INSL6: variants seen among roughly 807,000 people sequenced by gnomAD.
INSL6 encodes insulin-like peptide INSL6.
A neutral mutation model predicts 9.4 loss-of-function variants in INSL6; 16 were observed. The ratio of observed to expected loss-of-function variants is 1.70; its 90% CI spans 1.15 to 2.59. INSL6 has a LOEUF of 2.59. Among genes scored for constraint, INSL6 ranks in the 30% most tolerant of loss-of-function variants. The pLI, the probability that INSL6 is intolerant of heterozygous loss-of-function variation, is 0.00. For synonymous variants in INSL6, 154 were observed against 96.9 expected, an observed-to-expected ratio of 1.59 and a Z score of -3.46; for missense variants, 391 against 257.3, an observed-to-expected ratio of 1.52 and a Z score of -3.56.
At chr9:5,170,859 A>T (rs1450757709) in intron 1 of INSL6, among the ~76,000 whole-genome samples, 2 of 152,194 alleles carry the variant, frequency 1.3e-5, no homozygotes, top group African/African-American at 4.8e-5. Flanking sequence ...TAGTCTACCA[A>T]CCAAAAAAAG....
the INSL6 span, chr9:5,050,830 A>G: frequency 6.2e-7 from 1 of 1,612,656 alleles, no homozygotes; most frequent in Non-Finnish European, 8.5e-7. Context: ...TAACTCTATC[A>G]GGTAATTTTC....
chr9:5,067,589 T>C, the INSL6 span, among the ~76,000 whole-genome samples: 1 of 152,064 alleles, frequency 6.6e-6, no homozygotes, highest in Non-Finnish European at 1.5e-5. Flanking sequence ...TAATCTATCC[T>C]AATTTCAAAG....
At chr9:5,037,083 A>G in the INSL6 span, among the ~76,000 whole-genome samples, 52 of 152,364 alleles carry the variant, frequency 3.4e-4, 1 homozygote, top group Admixed American at 1.4e-3. Context: ...GAAGACATTT[A>G]TGCAGCCAAA....
chr9:5,002,873 A>G, the INSL6 span, among the ~76,000 whole-genome samples: 1 of 152,006 alleles, frequency 6.6e-6, no homozygotes, highest in African/African-American at 2.4e-5. Flanking sequence ...AAGAGGTCAC[A>G]TTGGTCTGTT....
Position 5,169,054 on chromosome 9 carries a change from G to A in INSL6, c.290-4789C>T, listed in dbSNP as rs1331128868. On this transcript the variant is annotated intron_variant, in intron 1 of 1. Coordinates refer to ENST00000381641, the MANE Select transcript of INSL6 (RefSeq NM_007179.3). ...GGTTCTCCTTCCTCACCCTTCCCAAGTCCCTGGGATTAGAGGCATGCGCCA... is the reference window on the plus strand; with the variant it reads ...GGTTCTCCTTCCTCACCCTTCCCAAATCCCTGGGATTAGAGGCATGCGCCA... 5.3e-5 allele frequency among the ~76,000 whole-genome samples: 8 copies of A among 151,718 alleles called. No individual in the cohort carries two copies. In the East Asian group the frequency reaches 1.5e-3, roughly 29 times the overall value.
the INSL6 span, among the ~76,000 whole-genome samples, chr9:5,044,209 AC>A: frequency 6.6e-6 from 1 of 152,182 alleles, no homozygotes; most frequent in African/African-American, 2.4e-5. Flanking sequence ...TTTTACACTT[AC>A]ATTTCTTGTA....
the INSL6 span, among the ~76,000 whole-genome samples, chr9:5,023,758 A>C: frequency 6.6e-6 from 1 of 152,092 alleles, no homozygotes; most frequent in African/African-American, 2.4e-5. Flanking sequence ...TCATGGTTTT[A>C]GTTTTTAGTG....
chr9:5,058,488 C>A, the INSL6 span, among the ~76,000 whole-genome samples: 1 of 152,162 alleles, frequency 6.6e-6, no homozygotes, highest in Admixed American at 6.5e-5. Context: ...TCACCTCCCA[C>A]CATGTCCCTC....
chr9:5,028,725 A>G, the INSL6 span, among the ~76,000 whole-genome samples: 3 of 152,240 alleles, frequency 2.0e-5, no homozygotes, highest in Non-Finnish European at 4.4e-5. Flanking sequence ...TATGTTAGGG[A>G]CATGGTTTCT....
chr9:5,109,133 C>T, the INSL6 span: 1 of 152,114 alleles, frequency 6.6e-6, no homozygotes, highest in Non-Finnish European at 1.5e-5. Flanking sequence ...TTACAACCCT[C>T]TACTCCCTAC....
chr9:5,148,892 G>A (rs2130893161), intron 2 of INSL6, among the ~76,000 whole-genome samples: 1 of 152,294 alleles, frequency 6.6e-6, no homozygotes. Flanking sequence ...CTCCTACAGG[G>A]CAGCCTGGCA....
chr9:5,162,704 T>C (rs1318249852), downstream of INSL6, among the ~76,000 whole-genome samples: 1 of 152,198 alleles, frequency 6.6e-6, no homozygotes, highest in African/African-American at 2.4e-5. Context: ...TGAAACTGAT[T>C]AAAAACATTC....
At chr9:5,148,466 T>C (rs1824645676) in intron 2 of INSL6, among the ~76,000 whole-genome samples, 1 of 152,118 alleles carries the variant, frequency 6.6e-6, no homozygotes, top group Admixed American at 6.5e-5. Flanking sequence ...CCATCTCTGA[T>C]CACTGGCACT....
the INSL6 span, among the ~76,000 whole-genome samples, chr9:5,071,329 A>G: frequency 6.6e-6 from 1 of 152,218 alleles, no homozygotes; most frequent in African/African-American, 2.4e-5. Flanking sequence ...GAGTCAGTAG[A>G]CCAACAAACA....
chr9:5,081,584 T>C, the INSL6 span: 2 of 603,940 alleles, frequency 3.3e-6, no homozygotes, highest in African/African-American at 3.7e-5. Flanking sequence ...CTCCCATTAA[T>C]ATAATTGAAA....
At chr9:5,140,591 CTT>C (rs1237123005) in intron 2 of INSL6, among the ~76,000 whole-genome samples, 1 of 152,128 alleles carries the variant, frequency 6.6e-6, no homozygotes, top group Non-Finnish European at 1.5e-5. Context: ...CCATGTCATT[CTT>C]TTGCTCAAAA....
At chr9:5,007,052 C>G in the INSL6 span, among the ~76,000 whole-genome samples, 8 of 151,942 alleles carry the variant, frequency 5.3e-5, no homozygotes, top group African/African-American at 1.9e-4. Flanking sequence ...AGTGTTTTAT[C>G]AATTTTAATG....
the INSL6 span, among the ~76,000 whole-genome samples, chr9:4,995,042 G>T: frequency 1.3e-5 from 2 of 152,120 alleles, no homozygotes; most frequent in Non-Finnish European, 2.9e-5. Context: ...TTGCCAAATT[G>T]ACATAGAAAT....
chr9:5,051,809 C>T, the INSL6 span, among the ~76,000 whole-genome samples: 1 of 152,108 alleles, frequency 6.6e-6, no homozygotes, highest in African/African-American at 2.4e-5. Context: ...AAAACAGTTA[C>T]ATACCCAATT....
Sources: gnomAD v4.1 joint callset for allele counts (sites outside exome capture counted in the v4.1 genomes callset) on GRCh38, gnomAD v4.1.1 for gene constraint, MANE v1.5 for transcripts, NCBI Gene and HGNC (gene_info 2026-07-23, HGNC 2026-07-21) for gene names.